The following DZANK1 variants were observed in gnomAD, a reference collection of about 807,000 sequenced individuals.
DZANK1 encodes double zinc ribbon and ankyrin repeat domains 1.
A neutral mutation model predicts 94.5 loss-of-function variants in DZANK1; 91 were observed. The ratio of observed to expected loss-of-function variants is 0.96; its 90% CI spans 0.81 to 1.15. DZANK1 has a LOEUF of 1.15. Ranked by LOEUF, DZANK1 falls within the 50% of genes most tolerant of loss-of-function variation. The pLI is 0.00. For missense variants in DZANK1, 903 were observed against 916.4 expected (o/e 0.99, Z 0.19); for synonymous variants, 312 against 325.3 (o/e 0.96, Z 0.44).
chr20:18,398,036 G>A (rs897986344), intron 14 of DZANK1, among the ~76,000 whole-genome samples: 1 of 152,198 alleles, frequency 6.6e-6, no homozygotes, highest in Non-Finnish European at 1.5e-5. Flanking sequence ...GGGGAAGACA[G>A]TCAAGGAATT....
chr20:18,440,146 G>A lies in DZANK1; in HGVS notation c.747+3201C>T, dbSNP rs75982585. Among the ~76,000 whole-genome samples the A allele has an allele frequency of 6.0e-3, 912 of 152,250 alleles. 9 individuals are homozygous for A. Among genetic ancestry groups the A allele is most frequent in the African/African-American group, 0.021 (862 of 41,536 alleles). The stretch of plus-strand genomic sequence containing the variant: ...CTCACCAGAAACCAAACCTGCTGGC[G>A]CCTTGATCTTAAACTTCCAGCCTGC... On this transcript the variant is annotated intron_variant, in intron 8 of 20. Transcript: ENST00000262547.
intron 3 of DZANK1, among the ~76,000 whole-genome samples, chr20:18,459,308 TGTTTC>T (rs1347506860): frequency 2.6e-5 from 4 of 152,242 alleles, no homozygotes; most frequent in African/African-American, 9.6e-5. Context: ...GGGGTTGTTT[TGTTTC>T]ATTTTATTTG....
chr20:18,433,410 T>G (rs2058364008), intron 9 of DZANK1: 1 of 441,602 alleles, frequency 2.3e-6, no homozygotes, highest in Admixed American at 3.7e-5. Context: ...TGCGTGGTGG[T>G]GCACGCCTGT....
rs553224144 is a variant in DZANK1 at position 18,432,469 on chromosome 20, A to C, written c.861+1183T>G. On this transcript the variant is annotated intron_variant, in intron 9 of 20. Transcript: ENST00000262547. ...TTAAGATTGAAAATAGTCATTGAAC[A>C]AAAAGATTAGTAAATTTTCCTCTAC... The C allele has an allele frequency of 2.0e-5, 3 of 152,364 alleles. No homozygotes were observed. The South Asian group carries it at 6.2e-4, about 32-fold the overall frequency. 9.4% of individuals were successfully genotyped at this position (152,364 alleles called of 1,614,324 possible).
chr20:18,390,585 T>G, intron 17 of DZANK1, 126 bp from the exon 18 acceptor site: 1 of 806,426 alleles, frequency 1.2e-6, no homozygotes, highest in Non-Finnish European at 2.1e-6. Context: ...CATGTGTGAG[T>G]GTGTGAGTGG....
At chr20:18,422,277 A>C (rs1568945711) in intron 10 of DZANK1, among the ~76,000 whole-genome samples, 1 of 152,206 alleles carries the variant, frequency 6.6e-6, no homozygotes, top group Non-Finnish European at 1.5e-5. Context: ...AGTTTTTCCC[A>C]AACCACTTAT....
At chr20:18,455,357 A>G in exon 4 of DZANK1, 1 of 1,591,864 alleles carries the variant, frequency 6.3e-7, no homozygotes, top group South Asian at 1.1e-5. Context: ...CTCTGTCTGC[A>G]GTCTCTGAAA....
exon 9 of DZANK1, chr20:18,433,756 A>C: frequency 6.2e-7 from 1 of 1,613,912 alleles, no homozygotes; most frequent in Non-Finnish European, 8.5e-7. Flanking sequence ...CATTCTGCAC[A>C]CAAGCCCATC....
chr20:18,389,823 T>C, exon 19 of DZANK1: 8 of 1,613,974 alleles, frequency 5.0e-6, no homozygotes, highest in East Asian at 2.2e-5. Flanking sequence ...AGTTGGGGTC[T>C]GCTCCCTGCA....
chr20:18,389,104 C>A (rs1312325559), intron 19 of DZANK1, among the ~76,000 whole-genome samples: 1 of 152,134 alleles, frequency 6.6e-6, no homozygotes, highest in African/African-American at 2.4e-5. Flanking sequence ...TTTGAAAGAA[C>A]AACAGAAGCA....
chr20:18,427,062 C>A lies in DZANK1; in HGVS notation c.954+5G>T, dbSNP rs750880511. 38 of 1,605,244 alleles carry A rather than the reference C, an allele frequency of 2.4e-5. No individual in the cohort carries two copies. The highest frequency in any genetic ancestry group is 3.1e-5 in the Non-Finnish European group (36 of 1,173,862). On this transcript the variant is annotated splice_donor_5th_base_variant and intron_variant, in intron 10 of 20. Coordinates refer to ENST00000262547, the Ensembl canonical transcript of DZANK1. The stretch of plus-strand genomic sequence containing the variant: ...ATATAGGATTGGCACATGCAATCAA[C>A]CTACCTCTTGTGATGAAGGCAGGGC...
At chr20:18,401,784 T>C (rs772908717) in intron 13 of DZANK1, among the ~76,000 whole-genome samples, 1 of 152,206 alleles carries the variant, frequency 6.6e-6, no homozygotes, top group Non-Finnish European at 1.5e-5. Context: ...GCTGACTTCC[T>C]AGAGAGTTAA....
At chr20:18,457,259 G>A (rs968921505) in intron 3 of DZANK1, among the ~76,000 whole-genome samples, 1 of 152,172 alleles carries the variant, frequency 6.6e-6, no homozygotes, top group Non-Finnish European at 1.5e-5. Flanking sequence ...CGAATCACTT[G>A]AGGCCAGGAG....
chr20:18,448,122 T>A (rs1413511803), intron 7 of DZANK1, among the ~76,000 whole-genome samples: 1 of 152,210 alleles, frequency 6.6e-6, no homozygotes, highest in Admixed American at 6.5e-5. Context: ...AGCCCAAAAT[T>A]GGATATAACA....
At chr20:18,390,051 G>A (rs942635827) in intron 18 of DZANK1, among the ~76,000 whole-genome samples, 1 of 152,170 alleles carries the variant, frequency 6.6e-6, no homozygotes, top group African/African-American at 2.4e-5. Context: ...CATGGGCGGG[G>A]AGGGGAGGGC....
chr20:18,446,591 A>G (rs539323201), intron 7 of DZANK1, among the ~76,000 whole-genome samples: 16 of 152,328 alleles, frequency 1.1e-4, no homozygotes, highest in African/African-American at 3.4e-4. Flanking sequence ...GAAACTAAAA[A>G]AAGAACAAAT....
At chr20:18,432,612 T>A (rs961270261) in intron 9 of DZANK1, 1 of 152,244 alleles carries the variant, frequency 6.6e-6, no homozygotes, top group Non-Finnish European at 1.5e-5. Flanking sequence ...AGTGGATTTA[T>A]CTTTTCTCTG....
intron 13 of DZANK1, among the ~76,000 whole-genome samples, chr20:18,406,735 G>C (rs1346337736): frequency 6.6e-6 from 1 of 152,216 alleles, no homozygotes; most frequent in East Asian, 1.9e-4. Context: ...AGAGCAACAA[G>C]CAGGCTCTTG....
intron 1 of DZANK1, among the ~76,000 whole-genome samples, chr20:18,466,178 T>C (rs148350815): frequency 6.6e-6 from 1 of 152,344 alleles, no homozygotes; most frequent in East Asian, 1.9e-4. Flanking sequence ...CCTTTTCAAA[T>C]TTCATTAATA....
Sources: allele counts gnomAD v4.1 joint callset (sites outside exome capture counted in the v4.1 genomes callset), GRCh38; gene constraint gnomAD v4.1.1; transcripts MANE v1.5; gene names NCBI Gene and HGNC (gene_info 2026-07-23, HGNC 2026-07-21).